C6orf141: variants seen among roughly 807,000 people sequenced by gnomAD.
C6orf141 encodes the protein chromosome 6 open reading frame 141.
For synonymous variants in C6orf141, 164 were observed against 140.5 expected, an observed-to-expected ratio of 1.17 and a Z score of -1.18; for missense variants, 361 against 335.8, an observed-to-expected ratio of 1.07 and a Z score of -0.59.
rs1554168743 is a variant in C6orf141, at chr6:49,558,080, T to TC, written c.*763+2923_*763+2924insC. Among the ~76,000 whole-genome samples, 503 of 138,234 alleles carry TC rather than the reference T, an allele frequency of 3.6e-3. 4 individuals carry two copies. Among genetic ancestry groups the TC allele is most frequent in the East Asian group, 9.4e-3 (42 of 4,484 alleles). The allele number at this position is 138,234 out of a possible 152,430, so 90.7% of individuals were successfully genotyped here. On this transcript the variant is annotated intron_variant and NMD_transcript_variant, in intron 4 of 4. Transcript: ENST00000371194. ...ATATGTTTTTTTTTTTTTTTTTTTTTTTTAGTAGAGACGGGTTTTGGGCAT... is the reference window on the plus strand; with the variant it reads ...ATATGTTTTTTTTTTTTTTTTTTTTTCTTTAGTAGAGACGGGTTTTGGGCAT...
chr6:49,559,588 T>C (rs954494365), intron 4 of C6orf141, among the ~76,000 whole-genome samples: 3 of 152,116 alleles, frequency 2.0e-5, no homozygotes, highest in Non-Finnish European at 4.4e-5. Flanking sequence ...GACTTGTTCC[T>C]GGCCCAAACC....
intron 4 of C6orf141, among the ~76,000 whole-genome samples, chr6:49,558,771 G>A (rs1284963734): frequency 2.0e-5 from 3 of 151,846 alleles, no homozygotes; most frequent in Non-Finnish European, 4.4e-5. Context: ...GCAGTGGCAC[G>A]ATCTTGGCTC....
chr6:49,553,510 G>A (rs1337797682), downstream of C6orf141, among the ~76,000 whole-genome samples: 7 of 152,204 alleles, frequency 4.6e-5, no homozygotes, highest in East Asian at 1.3e-3. Flanking sequence ...TCAGACCTGA[G>A]CTTATTAATT....
At chr6:49,558,528 A>G (rs370213053) in intron 4 of C6orf141, among the ~76,000 whole-genome samples, 1 of 152,096 alleles carries the variant, frequency 6.6e-6, no homozygotes, top group Non-Finnish European at 1.5e-5. Context: ...CCTTCTCACA[A>G]AACTTGTAGG....
intron 4 of C6orf141, among the ~76,000 whole-genome samples, chr6:49,558,998 T>A (rs1038993124): frequency 6.6e-6 from 1 of 151,690 alleles, no homozygotes; most frequent in African/African-American, 2.4e-5. Context: ...TGAGCCACCA[T>A]GCCCAGCCTT....
chr6:49,551,564 G>A lies in C6orf141; in HGVS notation c.*37G>A. ...AGAAATGTTCCGGGATGGTGGATGA[G>A]CGATCATCCTTAAAAGAAAATGCTA... On this transcript the variant is annotated 3_prime_UTR_variant, in exon 1 of 1. Transcript: ENST00000529246. 6.5e-7 allele frequency: 1 copy of A among 1,542,128 alleles called. No homozygotes were observed. Among genetic ancestry groups the A allele is most frequent in the South Asian group, 1.2e-5 (1 of 83,034 alleles).
In C6orf141 at chr6:49,550,890, C is replaced by T. The variant is rs1770278660; in HGVS notation, c.98C>T (p.Pro33Leu). 2.6e-6 allele frequency: 4 copies of T among 1,521,444 alleles called. No individual in the cohort carries two copies. Among genetic ancestry groups the T allele is most frequent in the Non-Finnish European group, 3.5e-6 (4 of 1,137,216 alleles). The allele number at this position is 1,521,444 out of a possible 1,614,324, so 94.2% of individuals were successfully genotyped here. ...AGCCTGGGGGACCTCGGGCCTTTTCCGCGGGAGGTAGGGCGCGGGGCTCCG... is the reference window on the plus strand; with the variant it reads ...AGCCTGGGGGACCTCGGGCCTTTTCTGCGGGAGGTAGGGCGCGGGGCTCCG... Reference protein sequence around the residue: ...SRSLGDLGPFPREVGRGAPLA... With the variant: ...SRSLGDLGPFLREVGRGAPLA... The change falls in exon 1 of 1, where the codon CCG becomes CTG. Residue 33 changes from proline to leucine, a missense_variant. Transcript: ENST00000529246.
Position 49,551,542 on chromosome 6 carries a change from A to G in C6orf141, c.*15A>G. The G allele has an allele frequency of 6.5e-7, 1 of 1,548,638 alleles. No individual in the cohort carries two copies. Among genetic ancestry groups the G allele is most frequent in the East Asian group, 2.4e-5 (1 of 40,906 alleles). ...TTAAACTCTAATGAGTAGCTCGAGAAATGTTCCGGGATGGTGGATGAGCGA... is the reference window on the plus strand; with the variant it reads ...TTAAACTCTAATGAGTAGCTCGAGAGATGTTCCGGGATGGTGGATGAGCGA... On this transcript the variant is annotated 3_prime_UTR_variant, in exon 1 of 1. Coordinates refer to ENST00000529246, the MANE Select transcript of C6orf141 (RefSeq NM_001145652.2).
At chr6:49,561,493 C>T (rs1773313073) in intron 4 of C6orf141, among the ~76,000 whole-genome samples, 1 of 152,196 alleles carries the variant, frequency 6.6e-6, no homozygotes, top group Non-Finnish European at 1.5e-5. Context: ...TTAACACAAA[C>T]AATACCACAG....
downstream of C6orf141, among the ~76,000 whole-genome samples, chr6:49,554,521 C>T (rs1771386848): frequency 6.8e-6 from 1 of 147,868 alleles, no homozygotes; most frequent in African/African-American, 2.5e-5. Context: ...GCTGGGACTA[C>T]ATGCGCCCGC....
rs2127266056 is a variant in C6orf141 at position 49,551,475 on chromosome 6, G to A, written c.683G>A (p.Gly228Glu). 1 of 1,551,606 alleles carries A rather than the reference G, an allele frequency of 6.4e-7. No individual in the cohort carries two copies. Among genetic ancestry groups the A allele is most frequent in the Non-Finnish European group, 8.7e-7 (1 of 1,147,002 alleles). Residue 228 changes from glycine (G) to glutamate (E), a missense_variant, in exon 1 of 1, where the codon GGG becomes GAG. Coordinates refer to ENST00000529246, the MANE Select transcript of C6orf141 (RefSeq NM_001145652.2). ...GGGGCATCCCGCGTCCACGCCGCGGGGAGGAGGGTTTCACCGTCTCCAGGG... is the reference window on the plus strand; with the variant it reads ...GGGGCATCCCGCGTCCACGCCGCGGAGAGGAGGGTTTCACCGTCTCCAGGG... The part of the protein sequence containing the change: ...RTGASRVHAA[G>E]RRVSPSPGTW...
chr6:49,558,072 T>TGTTTTTTTTTG (rs1403055013), intron 4 of C6orf141, among the ~76,000 whole-genome samples: 1 of 139,948 alleles, frequency 7.1e-6, no homozygotes, highest in African/African-American at 2.6e-5. Flanking sequence ...TTTTTTTTTT[T>TGTTTTTTTTTG]TTTTTTTTTT....
At position 49,551,371 on chromosome 6, in the gene C6orf141, C is replaced by G; in HGVS notation, c.579C>G (p.Leu193=). 1 of 1,551,704 alleles carries G rather than the reference C, an allele frequency of 6.4e-7. No homozygotes were observed. The highest frequency in any genetic ancestry group is 8.7e-7 in the Non-Finnish European group (1 of 1,146,982). The change falls in exon 1 of 1, where the codon CTC becomes CTG. Residue 193 remains leucine, a synonymous_variant. Transcript: ENST00000529246. ...TRTEEHFVTA[L]TFRSSREGQP... is the part of the protein sequence containing the mutation. ...CTGAGGAGCACTTCGTGACCGCGCT[C>G]ACTTTTCGCAGCAGTAGAGAGGGAC...
downstream of C6orf141, among the ~76,000 whole-genome samples, chr6:49,554,104 C>T (rs1290704349): frequency 6.6e-6 from 1 of 152,134 alleles, no homozygotes; most frequent in Non-Finnish European, 1.5e-5. Context: ...ACCTTCACAT[C>T]TTCTGTAGGG....
rs1295308977 is a variant in C6orf141, at chr6:49,550,817, G to C, written c.25G>C (p.Glu9Gln). 6.8e-6 allele frequency: 10 copies of C among 1,469,036 alleles called. No homozygotes were observed. In the East Asian group the frequency reaches 2.5e-4, roughly 37 times the overall value. The allele number at this position is 1,469,036 out of a possible 1,614,324, so 91.0% of individuals were successfully genotyped here. MNDPFARM[E>Q]TRGPQGAANP... ...AATGAATGACCCTTTTGCCAGGATGGAGACCCGGGGGCCTCAGGGAGCTGC... is the reference window on the plus strand; with the variant it reads ...AATGAATGACCCTTTTGCCAGGATGCAGACCCGGGGGCCTCAGGGAGCTGC... The change falls in exon 1 of 1, where the codon GAG becomes CAG. Residue 9 changes from glutamate to glutamine, a missense_variant. By Grantham distance (29) the Glu-to-Gln change is conservative. Transcript: ENST00000529246.
chr6:49,557,403 G>A (rs187418061), intron 4 of C6orf141, among the ~76,000 whole-genome samples: 78 of 152,318 alleles, frequency 5.1e-4, no homozygotes, highest in African/African-American at 1.8e-3. Flanking sequence ...GCAGGAAAGC[G>A]AAGGCAGGTA....
Position 49,551,451 on chromosome 6 carries a change from G to C in C6orf141, c.659G>C (p.Gly220Ala). 1 of 1,551,580 alleles carries C rather than the reference G, an allele frequency of 6.4e-7. No homozygotes were observed. Among genetic ancestry groups the C allele is most frequent in the Non-Finnish European group, 8.7e-7 (1 of 1,146,972 alleles). ...AESRALQART[G>A]ASRVHAAGRR... is the part of the protein sequence containing the mutation. ...TCCCGGGCTCTCCAGGCACGAACAG[G>C]GGCATCCCGCGTCCACGCCGCGGGG... The change falls in exon 1 of 1, where the codon GGG becomes GCG. Residue 220 changes from glycine to alanine, a missense_variant. Transcript: ENST00000529246.
In C6orf141 at chr6:49,551,595, G is replaced by T. The variant is rs141895526; in HGVS notation, c.*68G>T. 3.5e-4 allele frequency: 538 copies of T among 1,526,430 alleles called. No individual in the cohort carries two copies. The highest frequency in any genetic ancestry group is 4.6e-4 in the Non-Finnish European group (520 of 1,139,690). The allele number at this position is 1,526,430 out of a possible 1,614,324, so 94.6% of individuals were successfully genotyped here. On this transcript the variant is annotated 3_prime_UTR_variant, in exon 1 of 1. Coordinates refer to ENST00000529246, the MANE Select transcript of C6orf141 (RefSeq NM_001145652.2). The stretch of plus-strand genomic sequence containing the variant: ...ATCCTTAAAAGAAAATGCTATTCTG[G>T]GAGCTCCAACCTGCAATTAACCTAC...
intron 4 of C6orf141, among the ~76,000 whole-genome samples, chr6:49,558,080 T>TTTTC (rs1554168745): frequency 8.0e-5 from 11 of 138,192 alleles, no homozygotes; most frequent in East Asian, 2.2e-4. Flanking sequence ...TTTTTTTTTT[T>TTTTC]TTTAGTAGAG....
Sources: gnomAD v4.1 joint callset for allele counts (sites outside exome capture counted in the v4.1 genomes callset) on GRCh38, gnomAD v4.1.1 for gene constraint, MANE v1.5 for transcripts, NCBI Gene and HGNC (gene_info 2026-07-23, HGNC 2026-07-21) for gene names.